The following ADGRL3 variants were observed in gnomAD, a reference collection of about 807,000 sequenced individuals.
ADGRL3 encodes calcium-independent alpha-latrotoxin receptor 3.
A neutral mutation model predicts 153.5 loss-of-function variants in ADGRL3; 62 were observed. That is an observed-to-expected ratio of 0.40 (90% CI 0.33 to 0.50). The LOEUF is 0.50. Among genes scored for constraint, ADGRL3 ranks in the 20% least tolerant of loss-of-function variants. ADGRL3 has a pLI of 0.47. For missense variants in ADGRL3, 1,641 were observed against 1,859.4 expected, an observed-to-expected ratio of 0.88 and a Z score of 2.16; for synonymous variants, 710 against 672.5, an observed-to-expected ratio of 1.06 and a Z score of -0.86.
chr4:61,520,652 C>CTGTGTGTGTGTGTGTG (rs545112505), intron 4 of ADGRL3, among the ~76,000 whole-genome samples: 8,445 of 118,382 alleles, frequency 0.071, 592 homozygotes, highest in African/African-American at 0.14. Flanking sequence ...CTATAAACCT[C>CTGTGTGTGTGTGTGTG]TGTGTGTGTG....
At chr4:61,297,431 G>T (rs1578168805) in intron 1 of ADGRL3, among the ~76,000 whole-genome samples, 1 of 151,822 alleles carries the variant, frequency 6.6e-6, no homozygotes, top group Admixed American at 6.6e-5. Flanking sequence ...ATACTTTGAG[G>T]AACTATGGGA....
At chr4:61,244,473 A>T (rs1212146629) in intron 1 of ADGRL3, among the ~76,000 whole-genome samples, 2 of 152,064 alleles carry the variant, frequency 1.3e-5, no homozygotes, top group Admixed American at 6.6e-5. Flanking sequence ...TGCATGTGTA[A>T]ATACATGTGT....
intron 9 of ADGRL3, among the ~76,000 whole-genome samples, chr4:61,834,704 G>T (rs998040904): frequency 1.4e-4 from 21 of 152,286 alleles, no homozygotes; most frequent in Admixed American, 2.0e-4. Flanking sequence ...GTACCTGGCT[G>T]AGCAAACTCA....
intron 1 of ADGRL3, among the ~76,000 whole-genome samples, chr4:61,365,313 T>A (rs2096375331): frequency 6.6e-6 from 1 of 152,094 alleles, no homozygotes; most frequent in Non-Finnish European, 1.5e-5. Flanking sequence ...CTAAAACATA[T>A]AATGTAATTT....
intron 5 of ADGRL3, among the ~76,000 whole-genome samples, chr4:61,665,449 G>A (rs944061558): frequency 3.3e-5 from 5 of 151,814 alleles, no homozygotes; most frequent in Non-Finnish European, 7.4e-5. Flanking sequence ...AAAAAAACAT[G>A]GTAGAGCTTT....
At chr4:61,758,662 G>T (rs1319978517) in intron 8 of ADGRL3, among the ~76,000 whole-genome samples, 4 of 152,136 alleles carry the variant, frequency 2.6e-5, no homozygotes, top group Admixed American at 2.6e-4. Flanking sequence ...TTTAATGGGA[G>T]CATTTAGCCC....
chr4:61,289,244 G>A (rs1181484645), intron 1 of ADGRL3, among the ~76,000 whole-genome samples: 1 of 151,910 alleles, frequency 6.6e-6, no homozygotes, highest in Admixed American at 6.6e-5. Flanking sequence ...ATATGTAAGA[G>A]ATGCTAGATA....
At chr4:61,442,358 C>G (rs183586035) in intron 2 of ADGRL3, among the ~76,000 whole-genome samples, 1 of 151,934 alleles carries the variant, frequency 6.6e-6, no homozygotes, top group Non-Finnish European at 1.5e-5. Context: ...GAATCAGATA[C>G]GTAGGAGAAA....
Position 61,805,025 on chromosome 4 carries a change from G to A in ADGRL3, c.1400-8784G>A, listed in dbSNP as rs182996379. 1.9e-4 allele frequency among the ~76,000 whole-genome samples: 28 copies of A among 150,542 alleles called. No individual in the cohort carries two copies. The East Asian group carries it at 2.0e-3, about 11-fold the overall frequency. Reference sequence around the variant, plus strand: ...GGCTGGAGTGCAGTGGGGCGATCTCGGCTCACTGCAACCTCCACCTCCCGG... The same window carrying A: ...GGCTGGAGTGCAGTGGGGCGATCTCAGCTCACTGCAACCTCCACCTCCCGG... On this transcript the variant is annotated intron_variant, in intron 8 of 26. Coordinates refer to ENST00000683033, the MANE Select transcript of ADGRL3 (RefSeq NM_001387552.1).
At chr4:61,393,908 G>C (rs777695077) in intron 2 of ADGRL3, among the ~76,000 whole-genome samples, 1 of 152,068 alleles carries the variant, frequency 6.6e-6, no homozygotes, top group Non-Finnish European at 1.5e-5. Flanking sequence ...ATACCATCTG[G>C]AGAAAATTGG....
chr4:61,551,473 G>A (rs2098740202), intron 4 of ADGRL3, among the ~76,000 whole-genome samples: 2 of 152,056 alleles, frequency 1.3e-5, no homozygotes, highest in South Asian at 4.1e-4. Flanking sequence ...TAATTCTAGA[G>A]GATACTGAAA....
At chr4:61,999,150 G>A (rs1307766985) in intron 21 of ADGRL3, among the ~76,000 whole-genome samples, 3 of 152,158 alleles carry the variant, frequency 2.0e-5, no homozygotes, top group African/African-American at 4.8e-5. Context: ...ACCTTCCTCT[G>A]AAATATTAAC....
At chr4:61,749,492 A>C (rs1306621694) in intron 8 of ADGRL3, among the ~76,000 whole-genome samples, 2 of 152,234 alleles carry the variant, frequency 1.3e-5, no homozygotes, top group African/African-American at 4.8e-5. Context: ...GGATTAAGAA[A>C]ATGTGGCACA....
At chr4:61,675,208 A>G (rs1466653177) in intron 5 of ADGRL3, among the ~76,000 whole-genome samples, 1 of 151,934 alleles carries the variant, frequency 6.6e-6, no homozygotes, top group Non-Finnish European at 1.5e-5. Context: ...TCTGCTCTAG[A>G]TGCTCTTTAT....
chr4:61,935,100 T>C (rs2098832634), intron 14 of ADGRL3, 77 bp downstream of exon 14: 1 of 1,234,156 alleles, frequency 8.1e-7, no homozygotes, highest in Admixed American at 1.9e-5. Context: ...GTATCTCTGG[T>C]GTCCTAGATA....
Position 61,746,337 on chromosome 4 carries a change from C to G in ADGRL3, c.1399+12783C>G, listed in dbSNP as rs1467491554. On this transcript the variant is annotated intron_variant, in intron 8 of 26. Transcript: ENST00000683033. ...AAAAAGGATACCCAGGAATTGAAGT[C>G]AGCTCTGCACCAAGCGGACCTAATA... Among the ~76,000 whole-genome samples, 3 of 151,564 alleles carry G rather than the reference C, an allele frequency of 2.0e-5. No individual in the cohort carries two copies. In the East Asian group the frequency reaches 5.8e-4, roughly 29 times the overall value.
intron 8 of ADGRL3, among the ~76,000 whole-genome samples, chr4:61,809,879 C>A (rs2097590131): frequency 6.6e-6 from 1 of 152,024 alleles, no homozygotes; most frequent in South Asian, 2.1e-4. Context: ...TTACTACCTA[C>A]GTATAAATTC....
chr4:62,004,170 A>G (rs1037742536), intron 21 of ADGRL3, among the ~76,000 whole-genome samples: 8 of 152,108 alleles, frequency 5.3e-5, no homozygotes, highest in Non-Finnish European at 1.0e-4. Flanking sequence ...GAAAAATACA[A>G]CAATATCGCA....
intron 2 of ADGRL3, among the ~76,000 whole-genome samples, chr4:61,414,426 T>G (rs1213913886): frequency 6.6e-6 from 1 of 152,162 alleles, no homozygotes; most frequent in Non-Finnish European, 1.5e-5. Flanking sequence ...CTTTCTGTAT[T>G]CCTTTATAAG....
Sources: gnomAD v4.1 joint callset for allele counts (sites outside exome capture counted in the v4.1 genomes callset) on GRCh38, gnomAD v4.1.1 for gene constraint, MANE v1.5 for transcripts, NCBI Gene and HGNC (gene_info 2026-07-23, HGNC 2026-07-21) for gene names.